The following VEGFC variants were observed in gnomAD, a reference collection of about 807,000 sequenced individuals.
VEGFC encodes the protein FLT4 ligand DHM.
Under a neutral mutation model 46.1 loss-of-function variants are expected in VEGFC, and 12 were observed. The ratio of observed to expected loss-of-function variants is 0.26; its 90% CI spans 0.17 to 0.42. VEGFC has a LOEUF of 0.42. Ranked by LOEUF, VEGFC falls within the 10% of genes least tolerant of loss-of-function variation. VEGFC has a pLI of 1.00. For synonymous variants in VEGFC, 232 were observed against 195.5 expected, an observed-to-expected ratio of 1.19 and a Z score of -1.56; for missense variants, 488 against 529.4, an observed-to-expected ratio of 0.92 and a Z score of 0.77.
At chr4:176,744,281 A>AGCTATGAGTAAGAATATACAGAGT (rs1735224059) in intron 1 of VEGFC, among the ~76,000 whole-genome samples, 1 of 152,046 alleles carries the variant, frequency 6.6e-6, no homozygotes, top group African/African-American at 2.4e-5. Flanking sequence ...TTTATTACTA[A>AGCTATGAGTAAGAATATACAGAGT]GCTATGAGTA....
chr4:176,724,107 A>G (rs1475932372), intron 3 of VEGFC, among the ~76,000 whole-genome samples: 1 of 152,208 alleles, frequency 6.6e-6, no homozygotes, highest in East Asian at 1.9e-4. Flanking sequence ...ATCAAGCTAA[A>G]TTGATAGCAT....
chr4:176,735,712 T>C lies in VEGFC; in HGVS notation c.148-5966A>G, dbSNP rs572797571. On this transcript the variant is annotated intron_variant, in intron 1 of 6. Coordinates refer to ENST00000618562, the MANE Select transcript of VEGFC (RefSeq NM_005429.5). ...TGAACAGAATACTGCAGGGTTGAAG[T>C]TGGACTCTGGAGAATTTACCATTGA... Among the ~76,000 whole-genome samples the C allele has an allele frequency of 1.1e-3, 167 of 151,918 alleles. 4 individuals are homozygous for C. Among genetic ancestry groups the C allele is most frequent in the Non-Finnish European group, 3.7e-4 (25 of 67,866 alleles).
At chr4:176,773,506 A>C (rs1735756675) in intron 1 of VEGFC, among the ~76,000 whole-genome samples, 1 of 152,226 alleles carries the variant, frequency 6.6e-6, no homozygotes, top group Non-Finnish European at 1.5e-5. Context: ...ACCTATAAAA[A>C]TAATAAATGT....
intron 3 of VEGFC, among the ~76,000 whole-genome samples, chr4:176,713,579 G>C (rs1187534165): frequency 6.6e-6 from 1 of 152,106 alleles, no homozygotes; most frequent in Non-Finnish European, 1.5e-5. Context: ...AGGTCTAGTA[G>C]GCAGTCACAT....
intron 4 of VEGFC, among the ~76,000 whole-genome samples, chr4:176,707,910 C>T (rs969225805): frequency 5.3e-5 from 8 of 151,782 alleles, no homozygotes; most frequent in African/African-American, 1.9e-4. Context: ...TATGCTTGGT[C>T]CTTGGTGTTT....
rs564537574 is a variant in VEGFC at position 176,692,476 on chromosome 4, A to G, written c.705-4549T>C. 4.5e-5 allele frequency among the ~76,000 whole-genome samples: 6 copies of G among 134,674 alleles called. No homozygotes were observed. In the South Asian group the frequency reaches 8.7e-4, roughly 19 times the overall value. 88.4% of individuals were successfully genotyped at this position (134,674 alleles called of 152,430 possible). A position where few individuals can be genotyped will look rare whatever the true frequency, so the allele number is the denominator to read the frequency against. On this transcript the variant is annotated intron_variant, in intron 4 of 6. Transcript: ENST00000618562. ...TACCCGCACCTGGCTCGAGGGTCCT[A>G]CGCCCACGGAGTCTCGCTGATTGCT... is the stretch of plus-strand genomic sequence containing the variant.
At chr4:176,686,894 G>T (rs779923388) in intron 6 of VEGFC, among the ~76,000 whole-genome samples, 1 of 152,126 alleles carries the variant, frequency 6.6e-6, no homozygotes, top group Non-Finnish European at 1.5e-5. Context: ...TTTGGTGGGG[G>T]TGAAGTGGAT....
chr4:176,739,137 T>G (rs545383116), intron 1 of VEGFC, among the ~76,000 whole-genome samples: 3 of 152,036 alleles, frequency 2.0e-5, no homozygotes, highest in South Asian at 4.1e-4. Flanking sequence ...TGGCTATTAT[T>G]AAGAAGTCAA....
intron 4 of VEGFC, among the ~76,000 whole-genome samples, chr4:176,692,869 T>A (rs1415646415): frequency 3.4e-5 from 5 of 146,382 alleles, no homozygotes; most frequent in Non-Finnish European, 7.5e-5. Flanking sequence ...AGGGGCACAC[T>A]GACACCTCAC....
rs34739848 is a variant in VEGFC, at chr4:176,790,532, A to AACAC, written c.147+1629_147+1632dup. ...CCCATACCTATACATAACACACGTA[A>AACAC]ACACACACACACACACACTCAAGGT... is the stretch of plus-strand genomic sequence containing the variant. On this transcript the variant is annotated intron_variant, in intron 1 of 6. Transcript: ENST00000618562. Among the ~76,000 whole-genome samples the AACAC allele has an allele frequency of 1.5e-3, 222 of 151,264 alleles. 2 individuals carry two copies. The highest frequency in any genetic ancestry group is 5.2e-3 in the African/African-American group (215 of 41,132).
intron 1 of VEGFC, among the ~76,000 whole-genome samples, chr4:176,750,339 T>A (rs983160906): frequency 7.9e-5 from 12 of 151,738 alleles, no homozygotes; most frequent in African/African-American, 2.4e-4. Context: ...TAAAACTACA[T>A]GATGATTACA....
At chr4:176,778,513 G>C (rs1265019863) in intron 1 of VEGFC, among the ~76,000 whole-genome samples, 2 of 152,062 alleles carry the variant, frequency 1.3e-5, no homozygotes, top group Non-Finnish European at 2.9e-5. Context: ...CCAGAGGCCA[G>C]AAATCCCAAA....
intron 4 of VEGFC, among the ~76,000 whole-genome samples, chr4:176,707,354 G>A (rs986451289): frequency 3.3e-5 from 5 of 152,166 alleles, no homozygotes; most frequent in African/African-American, 4.8e-5. Flanking sequence ...TTTAGCCACC[G>A]TGGTGGTGAT....
intron 4 of VEGFC, among the ~76,000 whole-genome samples, chr4:176,695,791 G>A (rs956222634): frequency 3.2e-4 from 49 of 152,062 alleles, no homozygotes; most frequent in African/African-American, 1.0e-3. Flanking sequence ...ATGATCAAGC[G>A]GGCTTCATCC....
At chr4:176,730,315 A>G (rs1191970504) in intron 1 of VEGFC, among the ~76,000 whole-genome samples, 3 of 152,162 alleles carry the variant, frequency 2.0e-5, no homozygotes, top group Non-Finnish European at 4.4e-5. Context: ...TTTATCATCA[A>G]GATTAATACC....
intron 3 of VEGFC, among the ~76,000 whole-genome samples, chr4:176,720,060 A>T (rs77435551): frequency 6.8e-6 from 1 of 146,500 alleles, no homozygotes; most frequent in East Asian, 2.0e-4. Context: ...ACTCCGTTTC[A>T]AAAAAAAAAA....
chr4:176,759,946 T>TTCCA (rs1735500149), intron 1 of VEGFC, among the ~76,000 whole-genome samples: 2 of 152,064 alleles, frequency 1.3e-5, no homozygotes, highest in African/African-American at 4.8e-5. Flanking sequence ...AAGGCATAGC[T>TTCCA]TCCAAATTTA....
At chr4:176,785,643 T>TC (rs1452454827) in intron 1 of VEGFC, among the ~76,000 whole-genome samples, 1 of 151,988 alleles carries the variant, frequency 6.6e-6, no homozygotes, top group Non-Finnish European at 1.5e-5. Flanking sequence ...TCTCTTTTTT[T>TC]TCAATTGCCC....
At chr4:176,728,636 T>C (rs988508824) in intron 2 of VEGFC, among the ~76,000 whole-genome samples, 1 of 152,218 alleles carries the variant, frequency 6.6e-6, no homozygotes, top group African/African-American at 2.4e-5. Context: ...TATAATACTG[T>C]TGACTTTTTA....
Sources: allele counts gnomAD v4.1 joint callset (sites outside exome capture counted in the v4.1 genomes callset), GRCh38; gene constraint gnomAD v4.1.1; transcripts MANE v1.5; gene names NCBI Gene and HGNC (gene_info 2026-07-23, HGNC 2026-07-21).